PPP2R2B: variants seen among roughly 807,000 people sequenced by gnomAD.
The protein encoded by PPP2R2B is protein phosphatase 2 regulatory subunit Bbeta, also known as serine/threonine-protein phosphatase 2A 55 kDa regulatory subunit B beta isoform.
PPP2R2B carries 5 observed loss-of-function variants against 46.0 expected under a neutral mutation model. The ratio of observed to expected loss-of-function variants is 0.11; its 90% CI spans 0.06 to 0.23. PPP2R2B has a LOEUF of 0.23. Ranked by LOEUF, PPP2R2B falls within the 10% of genes least tolerant of loss-of-function variation. PPP2R2B has a pLI of 1.00. For missense variants in PPP2R2B, 367 were observed against 575.0 expected (o/e 0.64, Z 3.70); for synonymous variants, 215 against 206.7 (o/e 1.04, Z -0.34).
chr5:146,783,780 G>A (rs1354481887), intron 2 of PPP2R2B, among the ~76,000 whole-genome samples: 1 of 152,166 alleles, frequency 6.6e-6, no homozygotes, highest in Non-Finnish European at 1.5e-5. Flanking sequence ...GAGGAACAAG[G>A]ACCTGAATCA....
intron 1 of PPP2R2B, among the ~76,000 whole-genome samples, chr5:146,897,257 G>A (rs905606238): frequency 5.9e-5 from 9 of 152,200 alleles, no homozygotes; most frequent in African/African-American, 1.9e-4. Context: ...CAAAGATGAT[G>A]TGGGATGAAG....
chr5:146,877,197 A>C (rs1761944826), intron 2 of PPP2R2B, among the ~76,000 whole-genome samples: 1 of 152,168 alleles, frequency 6.6e-6, no homozygotes. Flanking sequence ...CCACCTGCTG[A>C]CTTTCCCTTC....
intron 1 of PPP2R2B, among the ~76,000 whole-genome samples, chr5:146,944,629 A>G (rs1239803120): frequency 6.6e-6 from 1 of 152,162 alleles, no homozygotes; most frequent in Non-Finnish European, 1.5e-5. Flanking sequence ...GAATACTCAC[A>G]GGAGCGGGAA....
chr5:147,011,236 G>A (rs941942384), intron 1 of PPP2R2B, among the ~76,000 whole-genome samples: 6 of 151,940 alleles, frequency 3.9e-5, no homozygotes, highest in Non-Finnish European at 7.4e-5. Context: ...TCTACTCCAT[G>A]TCTTTGCTTA....
At chr5:146,690,463 A>G (rs1229661527) in intron 5 of PPP2R2B, among the ~76,000 whole-genome samples, 1 of 152,160 alleles carries the variant, frequency 6.6e-6, no homozygotes. Context: ...TGCCATAATC[A>G]TTTGTATATT....
intron 1 of PPP2R2B, among the ~76,000 whole-genome samples, chr5:146,953,245 C>A (rs1751706493): frequency 6.6e-6 from 1 of 152,198 alleles, no homozygotes; most frequent in South Asian, 2.1e-4. Flanking sequence ...TTTGCTCGAC[C>A]TGTAGCTGTT....
intron 1 of PPP2R2B, among the ~76,000 whole-genome samples, chr5:146,996,298 G>A (rs1753919680): frequency 6.6e-6 from 1 of 152,178 alleles, no homozygotes; most frequent in Non-Finnish European, 1.5e-5. Context: ...TTGAGTTTAA[G>A]AGGAAGTCAT....
intron 7 of PPP2R2B, among the ~76,000 whole-genome samples, chr5:146,615,728 A>T (rs1773109257): frequency 6.6e-6 from 1 of 152,084 alleles, no homozygotes; most frequent in South Asian, 2.1e-4. Context: ...AAAAACACTG[A>T]TGAAAGAAAA....
At chr5:147,037,289 G>A (rs1427720216) in intron 1 of PPP2R2B, among the ~76,000 whole-genome samples, 1 of 152,096 alleles carries the variant, frequency 6.6e-6, no homozygotes, top group Non-Finnish European at 1.5e-5. Context: ...GCTAAAGACA[G>A]AGTGACTTCT....
At chr5:146,642,511 T>A (rs1775287992) in intron 6 of PPP2R2B, among the ~76,000 whole-genome samples, 1 of 152,208 alleles carries the variant, frequency 6.6e-6, no homozygotes, top group South Asian at 2.1e-4. Flanking sequence ...TTAGATGAAT[T>A]TTTATATATC....
intron 2 of PPP2R2B, among the ~76,000 whole-genome samples, chr5:146,740,486 C>T (rs1021062918): frequency 1.3e-5 from 2 of 151,844 alleles, no homozygotes; most frequent in East Asian, 3.9e-4. Context: ...AAGTTGTTAC[C>T]TCTGGAAGAA....
At chr5:146,871,372 C>A (rs1305054482) in intron 2 of PPP2R2B, among the ~76,000 whole-genome samples, 1 of 152,238 alleles carries the variant, frequency 6.6e-6, no homozygotes, top group African/African-American at 2.4e-5. Context: ...GGGACCATCT[C>A]AGCTCAGCTC....
At chr5:146,635,284 T>TA (rs1774736793) in intron 7 of PPP2R2B, among the ~76,000 whole-genome samples, 1 of 152,062 alleles carries the variant, frequency 6.6e-6, no homozygotes, top group Non-Finnish European at 1.5e-5. Flanking sequence ...TTTTTTTTTT[T>TA]AACTTTTAAG....
chr5:146,696,108 T>G lies in PPP2R2B; in HGVS notation c.334+1871A>C, dbSNP rs1024966152. On this transcript the variant is annotated intron_variant, in intron 4 of 9. Transcript: ENST00000394411. ...ACAAAGTAGTTAATAAATCCTTGAG[T>G]TTTTTTTTTTTTTGAGATGGAGTCT... 2.2e-5 allele frequency among the ~76,000 whole-genome samples: 3 copies of G among 139,174 alleles called. No individual in the cohort carries two copies. The South Asian group carries it at 6.6e-4, about 31-fold the overall frequency. The allele number at this position is 139,174 out of a possible 152,430, so 91.3% of individuals were successfully genotyped here. A position where few individuals can be genotyped will look rare whatever the true frequency, so the allele number is the denominator to read the frequency against.
intron 1 of PPP2R2B, among the ~76,000 whole-genome samples, chr5:146,903,006 G>A (rs1762884383): frequency 1.3e-5 from 2 of 152,080 alleles, no homozygotes; most frequent in South Asian, 4.1e-4. Flanking sequence ...TGTACAGCAG[G>A]GTTTCCCAGG....
chr5:146,665,183 A>G (rs778518915), intron 5 of PPP2R2B, among the ~76,000 whole-genome samples: 12 of 152,200 alleles, frequency 7.9e-5, no homozygotes, highest in Non-Finnish European at 1.6e-4. Context: ...CTTTGAAGAT[A>G]GCTATTGACT....
At chr5:147,066,038 A>G (rs898050699) in intron 2 of PPP2R2B, among the ~76,000 whole-genome samples, 14 of 152,162 alleles carry the variant, frequency 9.2e-5, no homozygotes, top group African/African-American at 3.4e-4. Context: ...CAAACCCAAC[A>G]GACTGACTCC....
intron 1 of PPP2R2B, among the ~76,000 whole-genome samples, chr5:146,965,390 C>G (rs989753252): frequency 6.6e-6 from 1 of 152,126 alleles, no homozygotes; most frequent in Admixed American, 6.5e-5. Context: ...CTCTGATTAG[C>G]CAGTTTTCAG....
chr5:146,981,814 A>G (rs1753191736), intron 1 of PPP2R2B, among the ~76,000 whole-genome samples: 1 of 152,182 alleles, frequency 6.6e-6, no homozygotes, highest in Non-Finnish European at 1.5e-5. Flanking sequence ...TCTTTGCAAG[A>G]ATGTTATATA....
Sources: gnomAD v4.1 joint callset for allele counts (sites outside exome capture counted in the v4.1 genomes callset) on GRCh38, gnomAD v4.1.1 for gene constraint, MANE v1.5 for transcripts, NCBI Gene and HGNC (gene_info 2026-07-23, HGNC 2026-07-21) for gene names.